Variants in IKZF2 observed in about 807,000 individuals in gnomAD.
The protein encoded by IKZF2 is zinc finger protein Helios.
A neutral mutation model predicts 49.2 loss-of-function variants in IKZF2; 15 were observed. That is an observed-to-expected ratio of 0.30 (90% CI 0.20 to 0.47). The LOEUF (loss-of-function observed/expected upper bound fraction) is 0.47, where lower values mean the gene tolerates loss of function less well. IKZF2 is among the 20% of genes least tolerant of loss of function. The pLI is 1.00. For missense variants in IKZF2, 567 were observed against 664.6 expected, an observed-to-expected ratio of 0.85 and a Z score of 1.61; for synonymous variants, 227 against 221.4, an observed-to-expected ratio of 1.03 and a Z score of -0.23.
chr2:213,139,029 T>C (rs2060776683), intron 4 of IKZF2, among the ~76,000 whole-genome samples: 1 of 152,002 alleles, frequency 6.6e-6, no homozygotes, highest in African/African-American at 2.4e-5. Context: ...GCAATAGTAG[T>C]TGAAGGAAGT....
chr2:213,126,324 C>T (rs551848430), intron 4 of IKZF2, among the ~76,000 whole-genome samples: 1 of 152,254 alleles, frequency 6.6e-6, no homozygotes, highest in East Asian at 1.9e-4. Context: ...TGATTTCTGC[C>T]TTTCTTTCTC....
intron 4 of IKZF2, among the ~76,000 whole-genome samples, chr2:213,095,865 TTCTA>T (rs1705914364): frequency 6.6e-6 from 1 of 152,046 alleles, no homozygotes; most frequent in South Asian, 2.1e-4. Context: ...AGGATATTGT[TTCTA>T]TCTACTAACG....
chr2:213,100,764 C>T (rs1574844660), intron 4 of IKZF2, among the ~76,000 whole-genome samples: 1 of 151,996 alleles, frequency 6.6e-6, no homozygotes, highest in African/African-American at 2.4e-5. Context: ...CCTGTGGCTA[C>T]TCTAGGTAGT....
rs141519057 is a variant in IKZF2, at chr2:213,027,460, C to A, written c.575-5330G>T. Among the ~76,000 whole-genome samples, 309 of 152,240 alleles carry A rather than the reference C, an allele frequency of 2.0e-3. 1 individual carries two copies. The highest frequency in any genetic ancestry group is 7.1e-3 in the African/African-American group (297 of 41,552). ...CTTACCCCTTCCTCTGAGGTTCTCA[C>A]ACCTTACTGATAACTCAGAGTCCAG... On this transcript the variant is annotated intron_variant, in intron 6 of 8. Transcript: ENST00000434687.
chr2:213,011,048 C>G (rs545554394), intron 8 of IKZF2, among the ~76,000 whole-genome samples: 1 of 151,902 alleles, frequency 6.6e-6, no homozygotes, highest in Non-Finnish European at 1.5e-5. Context: ...GTGGCAGATA[C>G]TCTCTAGGAG....
At chr2:213,069,300 A>C (rs1043368609) in intron 4 of IKZF2, among the ~76,000 whole-genome samples, 5 of 152,138 alleles carry the variant, frequency 3.3e-5, no homozygotes, top group Non-Finnish European at 7.4e-5. Flanking sequence ...AAATTATGTA[A>C]GGTATTAGTT....
chr2:213,033,246 T>C (rs1016519765), intron 6 of IKZF2, among the ~76,000 whole-genome samples: 2 of 152,228 alleles, frequency 1.3e-5, no homozygotes, highest in Non-Finnish European at 2.9e-5. Flanking sequence ...ACATCTGCAG[T>C]TCCTTTATCC....
rs1209986820 is a variant in IKZF2, at chr2:213,097,993, T to C, written c.140-40894A>G. On this transcript the variant is annotated intron_variant, in intron 4 of 8. Coordinates refer to ENST00000434687, the MANE Select transcript of IKZF2 (RefSeq NM_001387220.1). ...TTAGAGAAAGCTTTTTTTACAAGAG[T>C]GATTAAAACAGTTAACATGAATTAA... is the stretch of plus-strand genomic sequence containing the variant. 1.4e-5 allele frequency: 4 copies of C among 291,256 alleles called. No individual in the cohort carries two copies. The East Asian group carries it at 2.6e-4, about 19-fold the overall frequency. The allele number at this position is 291,256 out of a possible 1,614,324, so 18.0% of individuals were successfully genotyped here.
At chr2:213,018,748 C>A (rs534086722) in intron 7 of IKZF2, among the ~76,000 whole-genome samples, 20 of 152,276 alleles carry the variant, frequency 1.3e-4, no homozygotes, top group Non-Finnish European at 2.5e-4. Flanking sequence ...TTACACTCAA[C>A]ATCAGGGAAG....
At chr2:213,139,258 A>C (rs1285013693) in intron 4 of IKZF2, among the ~76,000 whole-genome samples, 1 of 151,952 alleles carries the variant, frequency 6.6e-6, no homozygotes, top group African/African-American at 2.4e-5. Context: ...TGAATCTCAG[A>C]AGTATTTTGG....
intron 7 of IKZF2, among the ~76,000 whole-genome samples, chr2:213,019,894 C>T (rs1697018352): frequency 6.6e-6 from 1 of 152,114 alleles, no homozygotes; most frequent in African/African-American, 2.4e-5. Context: ...TTAAATTTTT[C>T]GTTAGCATTT....
At chr2:213,138,604 C>G (rs987544074) in intron 4 of IKZF2, among the ~76,000 whole-genome samples, 1 of 151,774 alleles carries the variant, frequency 6.6e-6, no homozygotes, top group Non-Finnish European at 1.5e-5. Flanking sequence ...AATGCATATG[C>G]TAGGGATGAA....
chr2:213,010,439 G>A (rs925931630), intron 8 of IKZF2, among the ~76,000 whole-genome samples: 5 of 152,062 alleles, frequency 3.3e-5, no homozygotes, highest in Non-Finnish European at 7.4e-5. Flanking sequence ...GAAATGAGGA[G>A]CTTCTAGGGC....
intron 4 of IKZF2, among the ~76,000 whole-genome samples, chr2:213,131,351 T>C (rs979884004): frequency 6.6e-6 from 1 of 152,204 alleles, no homozygotes. Context: ...TAGAATTACA[T>C]GTCATTTTCA....
intron 6 of IKZF2, among the ~76,000 whole-genome samples, chr2:213,035,511 T>C (rs775787198): frequency 1.1e-4 from 16 of 152,340 alleles, no homozygotes; most frequent in South Asian, 4.1e-4. Flanking sequence ...GGGATGCTTC[T>C]GGTAGGTTGC....
intron 4 of IKZF2, among the ~76,000 whole-genome samples, chr2:213,130,790 C>A (rs2060450030): frequency 6.6e-6 from 1 of 152,098 alleles, no homozygotes; most frequent in Non-Finnish European, 1.5e-5. Flanking sequence ...TTCACAGAAC[C>A]ATACGCCAAG....
At chr2:213,073,977 A>C (rs1249866720) in intron 4 of IKZF2, among the ~76,000 whole-genome samples, 1 of 152,206 alleles carries the variant, frequency 6.6e-6, no homozygotes, top group African/African-American at 2.4e-5. Flanking sequence ...GTATTTTACT[A>C]TCCTCTCAAA....
At chr2:213,090,216 G>A (rs1705143501) in intron 4 of IKZF2, among the ~76,000 whole-genome samples, 1 of 152,180 alleles carries the variant, frequency 6.6e-6, no homozygotes, top group Non-Finnish European at 1.5e-5. Flanking sequence ...TTCCTAGAGG[G>A]TCACAGGTAC....
intron 4 of IKZF2, among the ~76,000 whole-genome samples, chr2:213,076,850 G>A (rs768362856): frequency 7.9e-5 from 12 of 152,070 alleles, no homozygotes; most frequent in Non-Finnish European, 1.3e-4. Context: ...TTGCGTGAGC[G>A]GAGATCGCGC....
Sources: allele counts gnomAD v4.1 joint callset (sites outside exome capture counted in the v4.1 genomes callset), GRCh38; gene constraint gnomAD v4.1.1; transcripts MANE v1.5; gene names NCBI Gene and HGNC (gene_info 2026-07-23, HGNC 2026-07-21).